Variants in FRMPD2 observed in about 807,000 individuals in gnomAD.
FRMPD2 encodes FERM and PDZ domain-containing protein 2.
A neutral mutation model predicts 140.1 loss-of-function variants in FRMPD2; 96 were observed. The ratio of observed to expected loss-of-function variants is 0.69; its 90% CI spans 0.58 to 0.81. The LOEUF is 0.81. FRMPD2 is among the 40% of genes least tolerant of loss of function. The probability of loss-of-function intolerance (pLI) is 0.00; values close to 1 mark genes in which losing one functional copy is unlikely to be tolerated. For missense variants in FRMPD2, 1,240 were observed against 1,447.4 expected (o/e 0.86, Z 2.32); for synonymous variants, 449 against 547.6 (o/e 0.82, Z 2.52).
Position 48,251,551 on chromosome 10 carries a change from C to T in FRMPD2, c.151+15G>A, listed in dbSNP as rs533531017. The T allele has an allele frequency of 1.2e-6, 2 of 1,612,536 alleles. No individual in the cohort carries two copies. Among genetic ancestry groups the T allele is most frequent in the East Asian group, 4.5e-5 (2 of 44,866 alleles). On this transcript the variant is annotated intron_variant, in intron 2 of 28. Transcript: ENST00000374201. ...CAACTCCCTGTGATTTGACTGCCCC[C>T]AAACACTCTCTTACCGTTGCGGAGG...
chr10:48,229,239 T>C (rs550403716), intron 10 of FRMPD2, among the ~76,000 whole-genome samples: 5 of 152,166 alleles, frequency 3.3e-5, no homozygotes, highest in Non-Finnish European at 4.4e-5. Context: ...CTTAAAAAAG[T>C]GATCTTCTCA....
intron 1 of FRMPD2, among the ~76,000 whole-genome samples, chr10:48,254,841 T>A (rs74130213): frequency 2.4e-4 from 37 of 152,334 alleles, no homozygotes; most frequent in African/African-American, 8.9e-4. Context: ...CACCATATTA[T>A]GCTGGCTGTG....
intron 9 of FRMPD2, among the ~76,000 whole-genome samples, chr10:48,234,797 A>G (rs896842200): frequency 1.3e-4 from 20 of 150,950 alleles, no homozygotes; most frequent in African/African-American, 4.9e-4. Context: ...TGTGTAGGTC[A>G]AGATGCTCGC....
At chr10:48,194,383 C>A (rs1243411894) in intron 15 of FRMPD2, among the ~76,000 whole-genome samples, 1 of 152,186 alleles carries the variant, frequency 6.6e-6, no homozygotes, top group Non-Finnish European at 1.5e-5. Flanking sequence ...ACAATGACAG[C>A]AGCAGGGGAG....
rs74492118 is a variant in FRMPD2 at position 48,244,957 on chromosome 10, C to T, written c.310-108G>A. On this transcript the variant is annotated intron_variant, in intron 3 of 28. Coordinates refer to ENST00000374201, the MANE Select transcript of FRMPD2 (RefSeq NM_001018071.4). ...CACATGAACAGACACTGTTGTCTGG[C>T]GAGTCTAGCACCATCTGCAACTCCC... is the stretch of plus-strand genomic sequence containing the variant. 1,774 of 854,100 alleles carry T rather than the reference C, an allele frequency of 2.1e-3. 4 individuals are homozygous for T. The highest frequency in any genetic ancestry group is 8.6e-3 in the East Asian group (330 of 38,478). 52.9% of individuals were successfully genotyped at this position (854,100 alleles called of 1,614,324 possible).
At chr10:48,182,646 G>A (rs772537732) in intron 20 of FRMPD2, among the ~76,000 whole-genome samples, 1 of 152,222 alleles carries the variant, frequency 6.6e-6, no homozygotes, top group Non-Finnish European at 1.5e-5. Context: ...CCAAAAGGTG[G>A]CTGGGGTGCC....
At chr10:48,192,551 C>A in intron 16 of FRMPD2, 133 bp downstream of exon 16, 6 of 777,232 alleles carry the variant, frequency 7.7e-6, no homozygotes, top group Non-Finnish European at 1.0e-5. Flanking sequence ...CACGCCACTG[C>A]ACTCCTCCAG....
chr10:48,216,663 A>T (rs151180010), intron 12 of FRMPD2, among the ~76,000 whole-genome samples: 1 of 152,242 alleles, frequency 6.6e-6, no homozygotes, highest in Non-Finnish European at 1.5e-5. Flanking sequence ...CAGTTGTCAC[A>T]TGCTAGATAC....
At chr10:48,231,793 A>C (rs1839853407) in intron 10 of FRMPD2, among the ~76,000 whole-genome samples, 1 of 152,210 alleles carries the variant, frequency 6.6e-6, no homozygotes, top group South Asian at 2.1e-4. Flanking sequence ...CTAAGTCCCC[A>C]TTAGTCCTGC....
intron 26 of FRMPD2, among the ~76,000 whole-genome samples, chr10:48,170,527 T>C (rs1838212551): frequency 6.6e-6 from 1 of 151,926 alleles, no homozygotes; most frequent in Non-Finnish European, 1.5e-5. Flanking sequence ...CTCCATTTTC[T>C]TCCAGGACTC....
chr10:48,250,158 G>C (rs901667239), intron 2 of FRMPD2, among the ~76,000 whole-genome samples: 1 of 152,230 alleles, frequency 6.6e-6, no homozygotes, highest in African/African-American at 2.4e-5. Flanking sequence ...CACCCTAAAG[G>C]GTCGCCCCAA....
intron 17 of FRMPD2, among the ~76,000 whole-genome samples, chr10:48,186,170 G>A (rs1838680102): frequency 6.6e-6 from 1 of 152,234 alleles, no homozygotes; most frequent in Non-Finnish European, 1.5e-5. Flanking sequence ...GCAGAGCCCT[G>A]AAGCTGTTCC....
At chr10:48,272,832 T>C (rs899258380) in intron 1 of FRMPD2, among the ~76,000 whole-genome samples, 1 of 152,254 alleles carries the variant, frequency 6.6e-6, no homozygotes, top group African/African-American at 2.4e-5. Flanking sequence ...CTCATGTCAT[T>C]GACAGATGAG....
At chr10:48,175,192 C>A in intron 23 of FRMPD2, 3 of 493,060 alleles carry the variant, frequency 6.1e-6, no homozygotes, top group African/African-American at 1.9e-5. Flanking sequence ...TATTGGCTCA[C>A]AGAATGGTTG....
chr10:48,240,514 C>A (rs1840082975), intron 5 of FRMPD2, 22 bp from the exon 6 acceptor site: 3 of 1,613,014 alleles, frequency 1.9e-6, no homozygotes, highest in Non-Finnish European at 1.7e-6. Flanking sequence ...GTGCATCACA[C>A]ATCCACATCC....
At chr10:48,228,731 A>T (rs1839782081) in intron 10 of FRMPD2, among the ~76,000 whole-genome samples, 1 of 152,058 alleles carries the variant, frequency 6.6e-6, no homozygotes. Context: ...GTGTACAAAA[A>T]TGTAAGATAT....
chr10:48,185,977 G>A (rs548877598), intron 17 of FRMPD2, among the ~76,000 whole-genome samples: 139 of 152,236 alleles, frequency 9.1e-4, no homozygotes, highest in Non-Finnish European at 1.6e-3. Flanking sequence ...GGACAAGACA[G>A]AGGATGAGCA....
intron 10 of FRMPD2, among the ~76,000 whole-genome samples, chr10:48,226,002 T>G (rs996790138): frequency 6.6e-6 from 1 of 152,192 alleles, no homozygotes. Context: ...GGGTTGGTTG[T>G]TTGTGTACAG....
At chr10:48,258,632 GA>G (rs1650765436) in intron 1 of FRMPD2, among the ~76,000 whole-genome samples, 1 of 152,206 alleles carries the variant, frequency 6.6e-6, no homozygotes, top group South Asian at 2.1e-4. Context: ...ATTCGTAGAT[GA>G]GAGGATGCAC....
Sources: gnomAD v4.1 joint callset for allele counts (sites outside exome capture counted in the v4.1 genomes callset) on GRCh38, gnomAD v4.1.1 for gene constraint, MANE v1.5 for transcripts, NCBI Gene and HGNC (gene_info 2026-07-23, HGNC 2026-07-21) for gene names.